Variants in UFC1 observed in about 807,000 individuals in gnomAD.
UFC1 encodes the protein ubiquitin-fold modifier-conjugating enzyme 1.
In UFC1, 22 loss-of-function variants were observed where a neutral mutation model predicts 28.0. That is an observed-to-expected ratio of 0.78 (90% CI 0.56 to 1.12). The LOEUF (loss-of-function observed/expected upper bound fraction) is 1.12, where lower values mean the gene tolerates loss of function less well. Ranked by LOEUF, UFC1 falls within the 50% of genes most tolerant of loss-of-function variation. UFC1 has a pLI of 0.00. For missense variants in UFC1, 189 were observed against 207.8 expected, an observed-to-expected ratio of 0.91 and a Z score of 0.56; for synonymous variants, 61 against 74.5, an observed-to-expected ratio of 0.82 and a Z score of 0.93.
In UFC1 at chr1:161,154,019, C is replaced by T. The variant is rs1415457613; in HGVS notation, c.22C>T (p.Arg8Cys). 4.3e-6 allele frequency: 7 copies of T among 1,614,062 alleles called. No homozygotes were observed. Among genetic ancestry groups the T allele is most frequent in the Admixed American group, 1.7e-5 (1 of 60,002 alleles). ...CAAGATGGCGGATGAAGCCACGCGA[C>T]GTGTTGTGTCTGAGATCCCGGTGCT... MADEATR[R>C]VVSEIPVLKT... Residue 8 changes from arginine (R) to cysteine (C), a missense_variant, in exon 1 of 6, where the codon CGT becomes TGT. Coordinates refer to ENST00000368003, the MANE Select transcript of UFC1 (RefSeq NM_016406.4).
chr1:161,154,039 G>T lies in UFC1; in HGVS notation c.42G>T (p.Pro14=), dbSNP rs773879238. The T allele has an allele frequency of 4.3e-6, 7 of 1,613,996 alleles. No homozygotes were observed. The African/African-American group carries it at 9.3e-5, about 22-fold the overall frequency. ...EATRRVVSEI[P]VLKTNAGPRD... ...CGCGACGTGTTGTGTCTGAGATCCCGGTGCTGAAGACTAACGCCGGACCCC... is the reference window on the plus strand; with the variant it reads ...CGCGACGTGTTGTGTCTGAGATCCCTGTGCTGAAGACTAACGCCGGACCCC... Residue 14 remains proline (P), a synonymous_variant, in exon 1 of 6, where the codon CCG becomes CCT. Transcript: ENST00000368003.
intron 5 of UFC1, 50 bp from the exon 6 acceptor site, chr1:161,158,362 C>T (rs770395723): frequency 1.2e-6 from 2 of 1,602,878 alleles, no homozygotes; most frequent in South Asian, 1.1e-5. Context: ...TCTAATGGAA[C>T]AAGAAGCATT....
intron 4 of UFC1, 27 bp from the exon 5 acceptor site, chr1:161,158,084 TTTGCATGTCA>T: frequency 6.3e-7 from 1 of 1,577,484 alleles, no homozygotes; most frequent in Admixed American, 1.7e-5. Context: ...TATGGTAAAC[TTTGCATGTCA>T]ACACCTTCTT....
In UFC1 at chr1:161,157,651, T is replaced by G. The variant is rs1571266408; in HGVS notation, c.290T>G (p.Ile97Ser). 6.2e-7 allele frequency: 1 copy of G among 1,614,096 alleles called. No homozygotes were observed. The highest frequency in any genetic ancestry group is 8.5e-7 in the Non-Finnish European group (1 of 1,179,970). ...PITYPTTAPEIAVPELDGKTA... is the reference protein window; with the variant it reads ...PITYPTTAPESAVPELDGKTA... ...ACATATCCTACTACTGCCCCAGAAA[T>G]TGCAGTTCCTGAGCTGGATGGAAAG... Residue 97 changes from isoleucine to serine, a missense_variant, in exon 4 of 6, where the codon ATT (isoleucine) becomes AGT (serine). Transcript: ENST00000368003.
chr1:161,156,974 G>T lies in UFC1; in HGVS notation c.148G>T (p.Asp50Tyr). 1 of 1,614,236 alleles carries T rather than the reference G, an allele frequency of 6.2e-7. No individual in the cohort carries two copies. Among genetic ancestry groups the T allele is most frequent in the South Asian group, 1.1e-5 (1 of 91,078 alleles). Residue 50 changes from aspartate (D) to tyrosine (Y), a missense_variant, in exon 2 of 6, where the codon GAC (aspartate) becomes TAC (tyrosine). By Grantham distance (160) the Asp-to-Tyr change is radical. Transcript: ENST00000368003. ...GTATGTGGAGAACAACAAGAATGCTGACAACGATTGGTTCCGACTGGAGTC... is the reference window on the plus strand; with the variant it reads ...GTATGTGGAGAACAACAAGAATGCTTACAACGATTGGTTCCGACTGGAGTC... ...IRYVENNKNA[D>Y]NDWFRLESNK...
chr1:161,157,386 T>A (rs1657547702), intron 3 of UFC1, 69 bp downstream of exon 3: 1 of 1,584,428 alleles, frequency 6.3e-7, no homozygotes. Flanking sequence ...GGTAACAAGC[T>A]ATCCTTTCTT....
Position 161,157,654 on chromosome 1 carries a change from C to G in UFC1, c.293C>G (p.Ala98Gly). ...TATCCTACTACTGCCCCAGAAATTG[C>G]AGTTCCTGAGCTGGATGGAAAGACA... Reference protein sequence around the residue: ...ITYPTTAPEIAVPELDGKTAK... With the variant: ...ITYPTTAPEIGVPELDGKTAK... Residue 98 changes from alanine (A) to glycine (G), a missense_variant, in exon 4 of 6, where the codon GCA becomes GGA. Coordinates refer to ENST00000368003, the MANE Select transcript of UFC1 (RefSeq NM_016406.4). The G allele has an allele frequency of 6.2e-7, 1 of 1,614,028 alleles. No individual in the cohort carries two copies. The highest frequency in any genetic ancestry group is 8.5e-7 in the Non-Finnish European group (1 of 1,179,950).
chr1:161,154,051 T>C lies in UFC1; in HGVS notation c.54T>C (p.Thr18=). Residue 18 remains threonine, a synonymous_variant, in exon 1 of 6, where the codon ACT becomes ACC. Coordinates refer to ENST00000368003, the MANE Select transcript of UFC1 (RefSeq NM_016406.4). Reference sequence around the variant, plus strand: ...TGTCTGAGATCCCGGTGCTGAAGACTAACGCCGGACCCCGAGATCGTGAGT... The same window carrying C: ...TGTCTGAGATCCCGGTGCTGAAGACCAACGCCGGACCCCGAGATCGTGAGT... ...RVVSEIPVLK[T]NAGPRDRELW... 6.2e-7 allele frequency: 1 copy of C among 1,614,012 alleles called. No homozygotes were observed. Among genetic ancestry groups the C allele is most frequent in the South Asian group, 1.1e-5 (1 of 91,064 alleles).
At chr1:161,157,903 AG>A (rs1398290547) in intron 4 of UFC1, 3 of 628,650 alleles carry the variant, frequency 4.8e-6, no homozygotes, top group Non-Finnish European at 8.3e-6. Context: ...AAAAGATGTA[AG>A]GAAAAAAAAA....
chr1:161,155,072 G>A (rs576160011), intron 1 of UFC1, among the ~76,000 whole-genome samples: 11 of 152,156 alleles, frequency 7.2e-5, no homozygotes, highest in African/African-American at 1.2e-4. Context: ...ACTTACTGAG[G>A]TAGACAAAAC....
At chr1:161,156,553 A>C (rs1457583340) in intron 1 of UFC1, among the ~76,000 whole-genome samples, 1 of 150,632 alleles carries the variant, frequency 6.6e-6, no homozygotes, top group Non-Finnish European at 1.5e-5. Context: ...AAAAAAAAAA[A>C]AAAACCGGCT....
At chr1:161,158,328 A>T in intron 5 of UFC1, 84 bp from the exon 6 acceptor site, 2 of 1,588,598 alleles carry the variant, frequency 1.3e-6, no homozygotes. Context: ...ATGTTCCCCC[A>T]GAATCTGTCT....
chr1:161,157,918 AG>A (rs769245959), intron 4 of UFC1: 1 of 631,052 alleles, frequency 1.6e-6, no homozygotes, highest in Non-Finnish European at 2.7e-6. Flanking sequence ...AAAAAAAAAA[AG>A]GAAGAACTTT....
At chr1:161,156,520 CAGA>C (rs1488153276) in intron 1 of UFC1, among the ~76,000 whole-genome samples, 1 of 125,042 alleles carries the variant, frequency 8.0e-6, no homozygotes, top group African/African-American at 3.2e-5. Context: ...GTCTGGGTGA[CAGA>C]GCGAGACTGT....
At chr1:161,157,221 G>A (rs928450360) in intron 2 of UFC1, 33 bp from the exon 3 acceptor site, 1 of 1,613,726 alleles carries the variant, frequency 6.2e-7, no homozygotes, top group African/African-American at 1.3e-5. Flanking sequence ...GGAAGAATAG[G>A]CAAATTGGAC....
intron 4 of UFC1, 199 bp from the exon 5 acceptor site, chr1:161,157,922 A>G: frequency 1.6e-6 from 1 of 635,060 alleles, no homozygotes; most frequent in Non-Finnish European, 2.7e-6. Context: ...AAAAAAAGGA[A>G]GAACTTTGGA....
rs1416093340 is a variant in UFC1 at position 161,158,570 on chromosome 1, C to A, written c.*78C>A. 2 of 1,475,690 alleles carry A rather than the reference C, an allele frequency of 1.4e-6. No homozygotes were observed. Among genetic ancestry groups the A allele is most frequent in the South Asian group, 1.1e-5 (1 of 87,488 alleles). The allele number at this position is 1,475,690 out of a possible 1,614,324, so 91.4% of individuals were successfully genotyped here. ...ATTTTCCTGTGCATCACACTTAACTCATCTAACTGCTTCCCCGGACACCCT... is the reference window on the plus strand; with the variant it reads ...ATTTTCCTGTGCATCACACTTAACTAATCTAACTGCTTCCCCGGACACCCT... On this transcript the variant is annotated 3_prime_UTR_variant, in exon 6 of 6. Transcript: ENST00000368003.
chr1:161,158,336 T>C, intron 5 of UFC1, 76 bp from the exon 6 acceptor site: 3 of 1,592,502 alleles, frequency 1.9e-6, no homozygotes, highest in African/African-American at 1.3e-5. Context: ...CCAGAATCTG[T>C]CTCCAGGAAG....
chr1:161,157,896 A>C, intron 4 of UFC1: 1 of 630,650 alleles, frequency 1.6e-6, no homozygotes, highest in Non-Finnish European at 2.8e-6. Context: ...TGAACTTAAA[A>C]GATGTAAGGA....
Sources: allele counts gnomAD v4.1 joint callset (sites outside exome capture counted in the v4.1 genomes callset), GRCh38; gene constraint gnomAD v4.1.1; transcripts MANE v1.5; gene names NCBI Gene and HGNC (gene_info 2026-07-23, HGNC 2026-07-21).